The following CYRIB variants were observed in gnomAD, a reference collection of about 807,000 sequenced individuals.
CYRIB encodes the protein CYFIP-related Rac1 interactor B.
Under a neutral mutation model 44.2 loss-of-function variants are expected in CYRIB, and 8 were observed. The observed-to-expected ratio is 0.18, with a 90% CI of 0.11 to 0.33. The LOEUF (loss-of-function observed/expected upper bound fraction) is 0.33, where lower values mean the gene tolerates loss of function less well. Among genes scored for constraint, CYRIB ranks in the 10% least tolerant of loss-of-function variants. The pLI, the probability that CYRIB is intolerant of heterozygous loss-of-function variation, is 1.00. For synonymous variants in CYRIB, 131 were observed against 127.2 expected, an observed-to-expected ratio of 1.03 and a Z score of -0.20; for missense variants, 185 against 382.8, an observed-to-expected ratio of 0.48 and a Z score of 4.31.
intron 5 of CYRIB, among the ~76,000 whole-genome samples, chr8:129,859,224 A>G (rs2047909610): frequency 6.6e-6 from 1 of 152,170 alleles, no homozygotes; most frequent in Non-Finnish European, 1.5e-5. Context: ...GAGGAGAAAG[A>G]GCGAAACAGC....
chr8:129,937,567 C>T (rs535181554), intron 1 of CYRIB, among the ~76,000 whole-genome samples: 2 of 152,258 alleles, frequency 1.3e-5, no homozygotes, highest in African/African-American at 2.4e-5. Flanking sequence ...ATTTTAAGTT[C>T]GATTAAGTTA....
intron 1 of CYRIB, among the ~76,000 whole-genome samples, chr8:130,011,510 G>A (rs1592513153): frequency 6.7e-6 from 1 of 149,702 alleles, no homozygotes; most frequent in Non-Finnish European, 1.5e-5. Context: ...AACAAAGCAA[G>A]ACTCCATCTC....
chr8:129,998,119 C>CAAAAAAAAAAA (rs34658935), intron 1 of CYRIB, among the ~76,000 whole-genome samples: 1 of 93,194 alleles, frequency 1.1e-5, no homozygotes, highest in Non-Finnish European at 2.3e-5. Flanking sequence ...GACTCTGTCT[C>CAAAAAAAAAAA]AAAAAAAAAA....
intron 2 of CYRIB, among the ~76,000 whole-genome samples, chr8:129,902,803 A>G (rs1334309020): frequency 1.3e-5 from 2 of 152,216 alleles, no homozygotes; most frequent in African/African-American, 4.8e-5. Context: ...GCAGGATTAC[A>G]AATGTTTCAG....
chr8:129,958,362 T>C (rs1564415160), intron 2 of CYRIB, among the ~76,000 whole-genome samples: 1 of 152,118 alleles, frequency 6.6e-6, no homozygotes, highest in Non-Finnish European at 1.5e-5. Flanking sequence ...TCCTGATCTG[T>C]CGGATGTTAC....
intron 1 of CYRIB, among the ~76,000 whole-genome samples, chr8:129,920,617 A>C (rs184410227): frequency 3.9e-4 from 60 of 152,306 alleles, no homozygotes; most frequent in Middle Eastern, 3.4e-3. Context: ...AGTAATTTTT[A>C]ACTAGGTATT....
chr8:129,881,961 T>C (rs529793358), intron 2 of CYRIB, among the ~76,000 whole-genome samples: 1 of 152,208 alleles, frequency 6.6e-6, no homozygotes, highest in Non-Finnish European at 1.5e-5. Context: ...AGTTCTTCAA[T>C]AGATGTTGGA....
intron 2 of CYRIB, among the ~76,000 whole-genome samples, chr8:129,950,012 G>C (rs1019101024): frequency 1.3e-5 from 2 of 152,126 alleles, no homozygotes; most frequent in African/African-American, 4.8e-5. Context: ...GCTATAAAAA[G>C]CAACAATTAC....
intron 1 of CYRIB, among the ~76,000 whole-genome samples, chr8:129,910,134 G>C (rs865999780): frequency 1.3e-5 from 2 of 152,252 alleles, no homozygotes; most frequent in African/African-American, 4.8e-5. Context: ...TTATGTACCA[G>C]GCAACTTACT....
intron 6 of CYRIB, among the ~76,000 whole-genome samples, chr8:129,854,817 A>G (rs857233): frequency 0.41 from 62,261 of 152,012 alleles, 13,726 homozygotes; most frequent in East Asian, 0.55. Flanking sequence ...GACGTGCCCA[A>G]CGTCTCATGA....
At chr8:129,972,958 C>T (rs189767278) in intron 1 of CYRIB, among the ~76,000 whole-genome samples, 1 of 152,340 alleles carries the variant, frequency 6.6e-6, no homozygotes, top group East Asian at 1.9e-4. Flanking sequence ...CTCATCCCTT[C>T]TCAGTCTTTC....
At chr8:129,951,477 C>T (rs1371043846) in intron 2 of CYRIB, among the ~76,000 whole-genome samples, 6 of 151,452 alleles carry the variant, frequency 4.0e-5, no homozygotes, top group Admixed American at 3.3e-4. Context: ...GAGGCCGAGG[C>T]GGGCAGATCA....
At chr8:130,002,542 A>G (rs1448866633) in intron 1 of CYRIB, among the ~76,000 whole-genome samples, 1 of 152,204 alleles carries the variant, frequency 6.6e-6, no homozygotes, top group Non-Finnish European at 1.5e-5. Flanking sequence ...CACATTAGAA[A>G]AAAACGTGAA....
intron 1 of CYRIB, among the ~76,000 whole-genome samples, chr8:129,982,148 C>G (rs1271524699): frequency 6.6e-6 from 1 of 152,164 alleles, no homozygotes; most frequent in Non-Finnish European, 1.5e-5. Flanking sequence ...TCACTGGTAG[C>G]GACATTAACA....
At chr8:129,875,267 T>TG (rs200118510) in intron 3 of CYRIB, among the ~76,000 whole-genome samples, 173 of 151,572 alleles carry the variant, frequency 1.1e-3, no homozygotes, top group African/African-American at 3.4e-3. Flanking sequence ...CCCCATTCAG[T>TG]GCTTTTTTTT....
At position 129,854,362 on chromosome 8, in the gene CYRIB, G is replaced by T. The variant is rs755366860; in HGVS notation, c.439-19C>A. 10 of 1,565,996 alleles carry T rather than the reference G, an allele frequency of 6.4e-6. No homozygotes were observed. Among genetic ancestry groups the T allele is most frequent in the Admixed American group, 1.9e-5 (1 of 52,364 alleles). ...TTGTCATCTGAAGAAGACAGTTGTGGAAAAAAAATGTTATGTACTAAATGC... is the reference window on the plus strand; with the variant it reads ...TTGTCATCTGAAGAAGACAGTTGTGTAAAAAAAATGTTATGTACTAAATGC... On this transcript the variant is annotated intron_variant, in intron 6 of 11. Transcript: ENST00000519824.
chr8:129,917,654 C>T (rs1390936803), intron 1 of CYRIB, among the ~76,000 whole-genome samples: 4 of 152,012 alleles, frequency 2.6e-5, no homozygotes, highest in Admixed American at 2.6e-4. Context: ...GTCAGGAGTT[C>T]GAGATCAGCC....
rs181717129 is a variant in CYRIB at position 129,928,547 on chromosome 8, C to A, written c.-50+11061G>T. On this transcript the variant is annotated intron_variant, in intron 1 of 11. Coordinates refer to ENST00000519824, the Ensembl canonical transcript of CYRIB. The stretch of plus-strand genomic sequence containing the variant: ...TGGTGCTGCATGCCTGTAGTCCCAG[C>A]CCTTTGGGAGGCTGAAGCAGGAGGA... 2.4e-3 allele frequency among the ~76,000 whole-genome samples: 359 copies of A among 151,854 alleles called. 2 individuals carry two copies. Among genetic ancestry groups the A allele is most frequent in the African/African-American group, 8.1e-3 (334 of 41,408 alleles).
intron 2 of CYRIB, among the ~76,000 whole-genome samples, chr8:129,949,691 GA>G (rs1259015984): frequency 2.0e-5 from 3 of 151,056 alleles, no homozygotes; most frequent in Non-Finnish European, 4.4e-5. Flanking sequence ...AACACATAGA[GA>G]AACCCTGTCT....
Sources: allele counts gnomAD v4.1 joint callset (sites outside exome capture counted in the v4.1 genomes callset), GRCh38; gene constraint gnomAD v4.1.1; transcripts MANE v1.5; gene names NCBI Gene and HGNC (gene_info 2026-07-23, HGNC 2026-07-21).